Variants in GALNT6 observed in about 807,000 individuals in gnomAD.
GALNT6 encodes the protein polypeptide N-acetylgalactosaminyltransferase 6, also known as GalNAc transferase 6.
In GALNT6, 51 loss-of-function variants were observed where a neutral mutation model predicts 65.9. That is an observed-to-expected ratio of 0.77 (90% CI 0.62 to 0.98). The LOEUF (loss-of-function observed/expected upper bound fraction) is 0.98, where lower values mean the gene tolerates loss of function less well. GALNT6 is among the 50% of genes least tolerant of loss of function. GALNT6 has a pLI of 0.00. For missense variants in GALNT6, 708 were observed against 803.3 expected, an observed-to-expected ratio of 0.88 and a Z score of 1.43; for synonymous variants, 323 against 315.1, an observed-to-expected ratio of 1.02 and a Z score of -0.26.
Position 51,379,385 on chromosome 12 carries a change from T to G in GALNT6, c.397A>C (p.Lys133Gln). The G allele has an allele frequency of 6.3e-7, 1 of 1,589,868 alleles. No individual in the cohort carries two copies. The highest frequency in any genetic ancestry group is 8.5e-7 in the Non-Finnish European group (1 of 1,169,982). The change falls in exon 3 of 12, where the codon AAG becomes CAG. Residue 133 changes from lysine (K) to glutamine (Q), a missense_variant. Coordinates refer to ENST00000356317, the MANE Select transcript of GALNT6 (RefSeq NM_007210.4). Reference protein sequence around the residue: ...SKWTPLETQEKEEGYKKHCFN... With the variant: ...SKWTPLETQEQEEGYKKHCFN... ...CAGTGCTTCTTATAGCCTTCTTCCT[T>G]TTCCTGGGTCTCCAGGGGGGTCCAC...
intron 4 of GALNT6, among the ~76,000 whole-genome samples, chr12:51,367,860 AC>A (rs1171759376): frequency 2.0e-5 from 3 of 152,158 alleles, no homozygotes; most frequent in African/African-American, 7.2e-5. Context: ...ACTCTATGAA[AC>A]AGGGAGTATT....
intron 2 of GALNT6, among the ~76,000 whole-genome samples, chr12:51,390,421 C>T (rs1253346695): frequency 6.6e-6 from 1 of 152,196 alleles, no homozygotes; most frequent in Non-Finnish European, 1.5e-5. Context: ...GCCTCAGCCT[C>T]CCAAAGTGCT....
At chr12:51,365,603 G>A (rs1188942922) in intron 4 of GALNT6, 24 bp from the exon 5 acceptor site, 21 of 1,609,612 alleles carry the variant, frequency 1.3e-5, no homozygotes, top group Non-Finnish European at 1.8e-5. Flanking sequence ...TGTCATTGTG[G>A]CCAGTCCACC....
rs576545958 is a variant in GALNT6, at chr12:51,364,540, C to G, written c.815-185G>C. 1.1e-4 allele frequency among the ~76,000 whole-genome samples: 17 copies of G among 152,362 alleles called. No homozygotes were observed. The East Asian group carries it at 2.5e-3, about 22-fold the overall frequency. On this transcript the variant is annotated intron_variant, in intron 5 of 11. Coordinates refer to ENST00000356317, the MANE Select transcript of GALNT6 (RefSeq NM_007210.4). ...AAACCCTTCTACCACCCCTCTACCCCCAAAGGCGGAGGCAGCTTTGGCAGG... is the reference window on the plus strand; with the variant it reads ...AAACCCTTCTACCACCCCTCTACCCGCAAAGGCGGAGGCAGCTTTGGCAGG...
intron 6 of GALNT6, among the ~76,000 whole-genome samples, chr12:51,361,845 G>A (rs758689614): frequency 6.6e-6 from 1 of 151,798 alleles, no homozygotes; most frequent in Non-Finnish European, 1.5e-5. Context: ...AGCTTCATGT[G>A]GTACAACCAA....
chr12:51,359,779 G>A (rs1298369700), intron 7 of GALNT6: 1 of 153,190 alleles, frequency 6.5e-6, no homozygotes, highest in African/African-American at 2.4e-5. Flanking sequence ...GTAGTCACTT[G>A]GGCCCTTAGC....
intron 4 of GALNT6, among the ~76,000 whole-genome samples, chr12:51,367,261 A>G (rs1947138737): frequency 6.6e-6 from 1 of 152,022 alleles, no homozygotes; most frequent in Admixed American, 6.6e-5. Flanking sequence ...CCGTCTCAAA[A>G]AAACCAAAAA....
intron 4 of GALNT6, among the ~76,000 whole-genome samples, chr12:51,367,895 A>C (rs1238129118): frequency 6.6e-6 from 1 of 152,182 alleles, no homozygotes; most frequent in African/African-American, 2.4e-5. Context: ...ATAGATGGGG[A>C]AAGTAAGACT....
intron 7 of GALNT6, among the ~76,000 whole-genome samples, chr12:51,360,515 T>G (rs1256220537): frequency 6.6e-6 from 1 of 152,108 alleles, no homozygotes; most frequent in Non-Finnish European, 1.5e-5. Flanking sequence ...CCCAGTAGTT[T>G]GTTTTGAGCT....
chr12:51,376,024 C>G (rs1348966403), intron 4 of GALNT6, among the ~76,000 whole-genome samples: 1 of 152,040 alleles, frequency 6.6e-6, no homozygotes, highest in Admixed American at 6.6e-5. Context: ...CCACACCTGG[C>G]TAATTATTTT....
At chr12:51,389,844 C>T (rs1947975653) in intron 2 of GALNT6, among the ~76,000 whole-genome samples, 1 of 152,246 alleles carries the variant, frequency 6.6e-6, no homozygotes, top group Non-Finnish European at 1.5e-5. Flanking sequence ...CAGGGCCTCC[C>T]CTTCTCTGCC....
In GALNT6 at chr12:51,387,197, A is replaced by C. The variant is rs1305971308; in HGVS notation, c.-104+3653T>G. Among the ~76,000 whole-genome samples the C allele has an allele frequency of 6.6e-6, 1 of 151,918 alleles. No individual in the cohort carries two copies. Among genetic ancestry groups the C allele is most frequent in the Non-Finnish European group, 1.5e-5 (1 of 68,002 alleles). On this transcript the variant is annotated intron_variant, in intron 2 of 11. Transcript: ENST00000356317. The surrounding 1 kb of genome is among the most constrained non-coding windows in gnomAD (Gnocchi z 4.2). ...ACTGCAACCTCCGACTCCTGGGTTC[A>C]AGCGATTCTCATCCCTCAGCCTCCC...
chr12:51,376,979 G>C (rs1947475487), intron 4 of GALNT6, among the ~76,000 whole-genome samples: 1 of 152,210 alleles, frequency 6.6e-6, no homozygotes, highest in African/African-American at 2.4e-5. Flanking sequence ...TGAAGCCAGA[G>C]CTGAAAAGCT....
At chr12:51,371,441 ACT>A (rs980068897) in intron 4 of GALNT6, among the ~76,000 whole-genome samples, 4 of 152,052 alleles carry the variant, frequency 2.6e-5, no homozygotes, top group African/African-American at 9.7e-5. Context: ...TTTAAGCCAC[ACT>A]GTCTTCTTTC....
intron 7 of GALNT6, 74 bp downstream of exon 7, chr12:51,360,647 C>A: frequency 1.1e-6 from 1 of 879,638 alleles, no homozygotes; most frequent in Non-Finnish European, 1.9e-6. Flanking sequence ...CTGATGCCAC[C>A]TCTGCCTGAG....
At chr12:51,386,465 G>A (rs1592362358) in intron 2 of GALNT6, among the ~76,000 whole-genome samples, 1 of 152,310 alleles carries the variant, frequency 6.6e-6, no homozygotes, top group Non-Finnish European at 1.5e-5. Context: ...CTTAGCTTTT[G>A]TGAATGTCAG....
chr12:51,379,154 G>T, intron 3 of GALNT6, 137 bp downstream of exon 3: 1 of 838,662 alleles, frequency 1.2e-6, no homozygotes, highest in Non-Finnish European at 1.8e-6. Flanking sequence ...AAGAAGTGAG[G>T]CATAGAGGAG....
Position 51,359,223 on chromosome 12 carries a change from C to A in GALNT6, c.1277G>T (p.Arg426Leu). 2 of 1,614,052 alleles carry A rather than the reference C, an allele frequency of 1.2e-6. No individual in the cohort carries two copies. The highest frequency in any genetic ancestry group is 2.2e-5 in the East Asian group (1 of 44,878). The change falls in exon 8 of 12, where the codon CGC (arginine) becomes CTC (leucine). Residue 426 changes from arginine to leucine, a missense_variant. Transcript: ENST00000356317. ...TFPKGTSVIA[R>L]NQVRLAEVWM... Reference sequence around the variant, plus strand: ...GACCTCTGCCAGGCGCACTTGATTGCGAGCAATGACACTAGTGCCCTTGGG... The same window carrying A: ...GACCTCTGCCAGGCGCACTTGATTGAGAGCAATGACACTAGTGCCCTTGGG...
chr12:51,389,523 G>A (rs148027964), intron 2 of GALNT6, among the ~76,000 whole-genome samples: 54 of 152,344 alleles, frequency 3.5e-4, no homozygotes, highest in African/African-American at 1.3e-3. Context: ...ACTGGTGCTT[G>A]GAGCTTTGCC....
Sources: allele counts gnomAD v4.1 joint callset (sites outside exome capture counted in the v4.1 genomes callset), GRCh38; gene constraint gnomAD v4.1.1; non-coding constraint Gnocchi (gnomAD v3.1); transcripts MANE v1.5; gene names NCBI Gene and HGNC (gene_info 2026-07-23, HGNC 2026-07-21).